BUB1B: variants seen among roughly 807,000 people sequenced by gnomAD.
The protein encoded by BUB1B is BUB1 mitotic checkpoint serine/threonine kinase B.
A neutral mutation model predicts 137.7 loss-of-function variants in BUB1B; 86 were observed. The observed-to-expected ratio is 0.62, with a 90% confidence interval of 0.52 to 0.75. The LOEUF (loss-of-function observed/expected upper bound fraction) is 0.75. BUB1B is among the 30% of genes least tolerant of loss of function. BUB1B has a pLI of 0.00. For missense variants in BUB1B, 1,130 were observed against 1,236.9 expected (o/e 0.91, Z 1.30); for synonymous variants, 420 against 417.9 (o/e 1.00, Z -0.06).
At chr15:40,189,998 A>G (rs190800317) in intron 8 of BUB1B, among the ~76,000 whole-genome samples, 4 of 152,270 alleles carry the variant, frequency 2.6e-5, no homozygotes, top group Admixed American at 2.6e-4. Flanking sequence ...GGCCTTTTGT[A>G]TATCTTCTTT....
rs765922572 is a variant in BUB1B at position 40,185,592 on chromosome 15, G to A, written c.1008G>A (p.Val336=). ...CTTCACTGATAGCTGTACCCGCTGT[G>A]CTTCCCAGTTTCACTCCATATGTGG... ...NTASLIAVPA[V]LPSFTPYVEE... The change falls in exon 8 of 23, where the codon GTG becomes GTA. Residue 336 remains valine (V), a synonymous_variant. Transcript: ENST00000287598. The A allele has an allele frequency of 5.6e-6, 9 of 1,614,068 alleles. No individual in the cohort carries two copies. In the Admixed American group the frequency reaches 1.5e-4, roughly 27 times the overall value.
In BUB1B at chr15:40,208,102, G is replaced by A. The variant is rs182833016; in HGVS notation, c.2010-535G>A. ...ACCACTGCCCTCCAGCCTGGGTGAC[G>A]GAATGAGATCCTGTCTCAAAAATAA... On this transcript the variant is annotated intron_variant, in intron 15 of 22. Transcript: ENST00000287598. Among the ~76,000 whole-genome samples the A allele has an allele frequency of 2.1e-3, 311 of 146,876 alleles. 1 individual carries two copies. Among genetic ancestry groups the A allele is most frequent in the Non-Finnish European group, 3.9e-3 (256 of 66,428 alleles).
intron 6 of BUB1B, 33 bp from the exon 7 acceptor site, chr15:40,185,131 AT>A (rs1254731802): frequency 1.3e-6 from 2 of 1,562,496 alleles, no homozygotes; most frequent in Non-Finnish European, 1.8e-6. Context: ...ATAATGAAAC[AT>A]TTTACATGAG....
In BUB1B at chr15:40,183,863, G is replaced by A. The variant is rs56158360; in HGVS notation, c.731G>A (p.Arg244His). Residue 244 changes from arginine (R) to histidine (H), a missense_variant, in exon 6 of 23, where the codon CGT becomes CAT. Physicochemically the swap from Arg to His is conservative, Grantham distance 29. Transcript: ENST00000287598. ...AAGACAGCAAGAGCTCCAATCATCC[G>A]TGTAGGAGGTGCTCTCAAGGGTAAG... ...GKKTARAPII[R>H]VGGALKAPSQ... is the part of the protein sequence containing the mutation. 1.2e-5 allele frequency: 19 copies of A among 1,614,080 alleles called. No homozygotes were observed. Among genetic ancestry groups the A allele is most frequent in the Non-Finnish European group, 1.5e-5 (18 of 1,179,942 alleles).
In BUB1B at chr15:40,176,533, T is replaced by G; in HGVS notation, c.441T>G (p.Ile147Met). Residue 147 changes from isoleucine (I) to methionine (M), a missense_variant, in exon 5 of 23, where the codon ATT (isoleucine) becomes ATG (methionine). Transcript: ENST00000287598. ...ACAGTTACTTGCACAACCAAGGGAT[T>G]GGTGTTTCACTTGCTCAGTTCTATA... Reference protein sequence around the residue: ...DMYSYLHNQGIGVSLAQFYIS... With the variant: ...DMYSYLHNQGMGVSLAQFYIS... The G allele has an allele frequency of 6.2e-7, 1 of 1,614,196 alleles. No homozygotes were observed. The highest frequency in any genetic ancestry group is 8.5e-7 in the Non-Finnish European group (1 of 1,180,024).
rs2037144342 is a variant in BUB1B, at chr15:40,170,085, T to G, written c.203T>G (p.Phe68Cys). 7 of 1,613,864 alleles carry G rather than the reference T, an allele frequency of 4.3e-6. No individual in the cohort carries two copies. The highest frequency in any genetic ancestry group is 1.3e-5 in the African/African-American group (1 of 74,918). Residue 68 changes from phenylalanine (F) to cysteine (C), a missense_variant, in exon 3 of 23, where the codon TTT (phenylalanine) becomes TGT (cysteine). Transcript: ENST00000287598. The part of the protein sequence containing the change: ...QKRAFEYEIR[F>C]YTGNDPLDVW... ...AGGGCATTTGAATATGAAATTCGATTTTACACTGGAAATGACCCTCTGGAT... is the reference window on the plus strand; with the variant it reads ...AGGGCATTTGAATATGAAATTCGATGTTACACTGGAAATGACCCTCTGGAT...
At chr15:40,174,816 T>C (rs951269076) in intron 4 of BUB1B, among the ~76,000 whole-genome samples, 2 of 152,094 alleles carry the variant, frequency 1.3e-5, no homozygotes, top group African/African-American at 4.8e-5. Flanking sequence ...ATACAAAAAT[T>C]AGCCAGCCGT....
intron 7 of BUB1B, 59 bp from the exon 8 acceptor site, chr15:40,185,492 A>T: frequency 6.3e-7 from 1 of 1,593,546 alleles, no homozygotes; most frequent in Non-Finnish European, 8.6e-7. Flanking sequence ...GCCATGGTCT[A>T]TATATGCTGT....
chr15:40,206,765 A>C (rs2037642488), intron 15 of BUB1B, among the ~76,000 whole-genome samples: 1 of 152,144 alleles, frequency 6.6e-6, no homozygotes, highest in Non-Finnish European at 1.5e-5. Flanking sequence ...GTTTTTCTTT[A>C]ATATTGAGTT....
intron 2 of BUB1B, 31 bp downstream of exon 2, chr15:40,165,227 G>A (rs373217314): frequency 2.1e-5 from 34 of 1,613,670 alleles, no homozygotes; most frequent in Middle Eastern, 1.7e-4. Context: ...TCAACCTGTC[G>A]TCATTCATCC....
intron 1 of BUB1B, among the ~76,000 whole-genome samples, chr15:40,164,762 A>C (rs1375358621): frequency 6.6e-6 from 1 of 151,758 alleles, no homozygotes; most frequent in African/African-American, 2.4e-5. Context: ...TCGGCCTCAC[A>C]AAGTGGTGGG....
intron 2 of BUB1B, among the ~76,000 whole-genome samples, chr15:40,169,706 A>G (rs2037140234): frequency 7.2e-6 from 1 of 138,028 alleles, no homozygotes; most frequent in South Asian, 2.2e-4. Flanking sequence ...CTCTACTTCC[A>G]GGTTCAAGTG....
intron 2 of BUB1B, among the ~76,000 whole-genome samples, chr15:40,169,609 C>CTTTTTTTTT (rs893767898): frequency 8.3e-5 from 8 of 96,944 alleles, no homozygotes; most frequent in Admixed American, 1.2e-4. Context: ...TATTTCTATT[C>CTTTTTTTTT]TTTTTTTTTT....
At chr15:40,198,099 T>G (rs2037519694) in intron 9 of BUB1B, among the ~76,000 whole-genome samples, 1 of 151,968 alleles carries the variant, frequency 6.6e-6, no homozygotes. Context: ...ACATGGTGAA[T>G]TCTCATCTCT....
At position 40,168,227 on chromosome 15, in the gene BUB1B, C is replaced by T. The variant is rs200835607; in HGVS notation, c.180-1835C>T. 3.4e-4 allele frequency among the ~76,000 whole-genome samples: 51 copies of T among 152,140 alleles called. No homozygotes were observed. The East Asian group carries it at 7.9e-3, about 24-fold the overall frequency. On this transcript the variant is annotated intron_variant, in intron 2 of 22. Coordinates refer to ENST00000287598, the MANE Select transcript of BUB1B (RefSeq NM_001211.6). ...AACTAAAAATACAAAATTAGCCGGG[C>T]GTGGTGGCGCATGCCTGTAATCCCA... is the stretch of plus-strand genomic sequence containing the variant.
Position 40,202,623 on chromosome 15 carries a change from C to T in BUB1B, c.1663C>T (p.Arg555Ter), listed in dbSNP as rs2037587680. The T allele has an allele frequency of 3.7e-6, 6 of 1,614,050 alleles. No individual in the cohort carries two copies. Among genetic ancestry groups the T allele is most frequent in the Middle Eastern group, 1.7e-4 (1 of 6,058 alleles). ...PADPPRVLAQ[R>*]RPLAVLKTSE... The stretch of plus-strand genomic sequence containing the variant: ...AGATCCCCCACGAGTTTTAGCTCAA[C>T]GAAGACCCCTTGCAGTTCTCAAAAC... The change falls in exon 14 of 23, where the codon CGA becomes TGA. Residue 555 changes from arginine (R) to a stop codon, truncating the protein, a stop_gained. Transcript: ENST00000287598. LOFTEE classifies it high-confidence loss of function.
intron 8 of BUB1B, among the ~76,000 whole-genome samples, chr15:40,194,038 A>T (rs975746286): frequency 5.3e-5 from 8 of 152,184 alleles, no homozygotes; most frequent in African/African-American, 1.7e-4. Context: ...GTCTTCTCTC[A>T]CTTCCTTATT....
intron 9 of BUB1B, among the ~76,000 whole-genome samples, chr15:40,198,692 G>A (rs1032897020): frequency 6.6e-6 from 1 of 151,950 alleles, no homozygotes; most frequent in African/African-American, 2.4e-5. Context: ...TCTATCTCCT[G>A]AGCCTCCTTA....
chr15:40,220,521 T>C, intron 22 of BUB1B, 43 bp from the exon 23 acceptor site: 1 of 1,600,324 alleles, frequency 6.2e-7, no homozygotes, highest in Non-Finnish European at 8.6e-7. Context: ...ATTATAATTT[T>C]CATATGCCTA....
Sources: allele counts gnomAD v4.1 joint callset (sites outside exome capture counted in the v4.1 genomes callset), GRCh38; gene constraint gnomAD v4.1.1; transcripts MANE v1.5; gene names NCBI Gene and HGNC (gene_info 2026-07-23, HGNC 2026-07-21).